TTLL5: variants seen among roughly 807,000 people sequenced by gnomAD.
TTLL5 encodes tubulin tyrosine ligase like 5, also known as tubulin polyglutamylase TTLL5.
TTLL5 carries 132 observed loss-of-function variants against 168.4 expected under a neutral mutation model. The observed-to-expected ratio is 0.78, with a 90% CI of 0.68 to 0.91. The LOEUF (loss-of-function observed/expected upper bound fraction) is 0.91. TTLL5 is among the 40% of genes least tolerant of loss of function. TTLL5 has a pLI of 0.00. For synonymous variants in TTLL5, 546 were observed against 558.6 expected, an observed-to-expected ratio of 0.98 and a Z score of 0.32; for missense variants, 1,545 against 1,581.5, an observed-to-expected ratio of 0.98 and a Z score of 0.39.
intron 12 of TTLL5, among the ~76,000 whole-genome samples, chr14:75,723,989 G>A (rs1888017475): frequency 6.6e-6 from 1 of 151,030 alleles, no homozygotes; most frequent in Admixed American, 6.6e-5. Context: ...TTCCCCTGGG[G>A]TTTAAGTCAC....
At chr14:75,920,417 C>T (rs1298648130) in intron 31 of TTLL5, among the ~76,000 whole-genome samples, 1 of 152,056 alleles carries the variant, frequency 6.6e-6, no homozygotes, top group Non-Finnish European at 1.5e-5. Context: ...CTCGACAGGC[C>T]CTGGTGTGTG....
At chr14:75,807,790 G>A (rs1459674898) in intron 27 of TTLL5, among the ~76,000 whole-genome samples, 1 of 152,152 alleles carries the variant, frequency 6.6e-6, no homozygotes, top group Non-Finnish European at 1.5e-5. Context: ...TTCACCCTGT[G>A]AGCTTGTTGT....
chr14:75,777,331 A>G, intron 23 of TTLL5, among the ~76,000 whole-genome samples: 1 of 152,194 alleles, frequency 6.6e-6, no homozygotes, highest in Non-Finnish European at 1.5e-5. Flanking sequence ...TGACCTACTC[A>G]TGGAGTAGAA....
intron 31 of TTLL5, among the ~76,000 whole-genome samples, chr14:75,919,956 A>G (rs1430895566): frequency 2.0e-5 from 3 of 152,108 alleles, no homozygotes; most frequent in African/African-American, 7.2e-5. Flanking sequence ...TCCCATCTCT[A>G]CTAAAAATAC....
intron 23 of TTLL5, among the ~76,000 whole-genome samples, chr14:75,777,945 C>G (rs1427587026): frequency 6.6e-6 from 1 of 150,956 alleles, no homozygotes; most frequent in Non-Finnish European, 1.5e-5. Flanking sequence ...AACAGCTTCT[C>G]TCATCAACGT....
intron 9 of TTLL5, among the ~76,000 whole-genome samples, chr14:75,708,221 T>C (rs1045492769): frequency 4.6e-5 from 7 of 152,206 alleles, no homozygotes; most frequent in Admixed American, 1.3e-4. Context: ...CTCATGGATC[T>C]GACTCCAGAG....
intron 18 of TTLL5, among the ~76,000 whole-genome samples, chr14:75,761,985 G>A (rs1384875798): frequency 6.6e-6 from 1 of 152,132 alleles, no homozygotes; most frequent in Non-Finnish European, 1.5e-5. Flanking sequence ...TATATGATTG[G>A]ATATATACGT....
intron 27 of TTLL5, among the ~76,000 whole-genome samples, chr14:75,795,088 T>G (rs751696808): frequency 3.9e-5 from 6 of 152,114 alleles, no homozygotes; most frequent in Non-Finnish European, 5.9e-5. Context: ...TTCATTCTAC[T>G]CTTCTGACAC....
At chr14:75,877,686 G>A (rs963756387) in intron 29 of TTLL5, among the ~76,000 whole-genome samples, 1 of 152,152 alleles carries the variant, frequency 6.6e-6, no homozygotes, top group Non-Finnish European at 1.5e-5. Flanking sequence ...ATTGTATATC[G>A]AAACCTCATG....
At chr14:75,936,607 ATC>A (rs2140182000) in intron 31 of TTLL5, among the ~76,000 whole-genome samples, 1 of 152,326 alleles carries the variant, frequency 6.6e-6, no homozygotes, top group East Asian at 1.9e-4. Flanking sequence ...TGAGGGAAGC[ATC>A]TCTCTTTCTA....
chr14:75,784,077 G>GTT (rs951885439), intron 26 of TTLL5, among the ~76,000 whole-genome samples: 1 of 151,980 alleles, frequency 6.6e-6, no homozygotes, highest in African/African-American at 2.4e-5. Context: ...TAATTCAGTG[G>GTT]TTATATATAT....
chr14:75,707,936 G>A (rs551666342), intron 9 of TTLL5, among the ~76,000 whole-genome samples: 2 of 152,300 alleles, frequency 1.3e-5, no homozygotes, highest in East Asian at 3.9e-4. Flanking sequence ...CTCACTGCAT[G>A]TCCACACATA....
At chr14:75,852,001 G>A (rs1222827889) in intron 28 of TTLL5, among the ~76,000 whole-genome samples, 5 of 152,172 alleles carry the variant, frequency 3.3e-5, no homozygotes, top group Admixed American at 6.5e-5. Context: ...TGTGCTAAAC[G>A]CTGTACATAG....
chr14:75,703,105 T>C (rs1361375278), intron 7 of TTLL5, among the ~76,000 whole-genome samples: 1 of 152,228 alleles, frequency 6.6e-6, no homozygotes, highest in East Asian at 1.9e-4. Context: ...CCAAGGCTGC[T>C]GCCTGCTTTC....
intron 18 of TTLL5, among the ~76,000 whole-genome samples, chr14:75,761,594 T>C (rs532531196): frequency 4.6e-5 from 7 of 152,224 alleles, no homozygotes; most frequent in Non-Finnish European, 1.0e-4. Flanking sequence ...CAGTTCATAC[T>C]GTATGGTTTC....
intron 28 of TTLL5, among the ~76,000 whole-genome samples, chr14:75,857,189 C>G (rs1033280966): frequency 7.9e-5 from 12 of 152,180 alleles, no homozygotes; most frequent in African/African-American, 2.7e-4. Flanking sequence ...CTAAGAGTGT[C>G]TGTCAGGAAA....
intron 6 of TTLL5, among the ~76,000 whole-genome samples, chr14:75,694,095 A>G (rs557111723): frequency 6.6e-6 from 1 of 152,330 alleles, no homozygotes; most frequent in Admixed American, 6.5e-5. Context: ...CACTTGAAAG[A>G]ACTGGGGAGC....
At position 75,716,053 on chromosome 14, in the gene TTLL5, A is replaced by G. The variant is rs546958798; in HGVS notation, c.741-1808A>G. ...GACAGGAGGGATGTCACCTTGAGGT[A>G]ATGTCTGGCTGAGGCAGGCAGCCAG... is the stretch of plus-strand genomic sequence containing the variant. On this transcript the variant is annotated intron_variant, in intron 9 of 31. Transcript: ENST00000298832. Among the ~76,000 whole-genome samples, 25 of 152,302 alleles carry G rather than the reference A, an allele frequency of 1.6e-4. No individual in the cohort carries two copies. In the East Asian group the frequency reaches 4.1e-3, roughly 25 times the overall value.
chr14:75,668,048 C>T (rs1412891534), intron 2 of TTLL5, among the ~76,000 whole-genome samples: 1 of 151,908 alleles, frequency 6.6e-6, no homozygotes, highest in Non-Finnish European at 1.5e-5. Flanking sequence ...CGTGAGCCAC[C>T]GTGTCCGGCC....
Sources: allele counts gnomAD v4.1 joint callset (sites outside exome capture counted in the v4.1 genomes callset), GRCh38; gene constraint gnomAD v4.1.1; transcripts MANE v1.5; gene names NCBI Gene and HGNC (gene_info 2026-07-23, HGNC 2026-07-21).